The following RIPOR1 variants were observed in gnomAD, a reference collection of about 807,000 sequenced individuals.
RIPOR1 encodes RHO family interacting cell polarization regulator 1, also known as rho family-interacting cell polarization regulator 1.
In RIPOR1, 58 loss-of-function variants were observed where a neutral mutation model predicts 116.5. That is an observed-to-expected ratio of 0.50 (90% CI 0.40 to 0.62). RIPOR1 has a LOEUF of 0.62. RIPOR1 is among the 20% of genes least tolerant of loss of function. The pLI, the probability that RIPOR1 is intolerant of heterozygous loss-of-function variation, is 0.00. For missense variants in RIPOR1, 1,372 were observed against 1,586.2 expected (o/e 0.86, Z 2.29); for synonymous variants, 605 against 650.0 (o/e 0.93, Z 1.05).
Position 67,545,737 on chromosome 16 carries a change from G to T in RIPOR1, c.3264G>T (p.Gly1088=), listed in dbSNP as rs1308045713. 6.2e-7 allele frequency: 1 copy of T among 1,608,634 alleles called. No homozygotes were observed. Among genetic ancestry groups the T allele is most frequent in the Non-Finnish European group, 8.5e-7 (1 of 1,177,442 alleles). ...AGGCCCTGAGATTGGCGCCCGAGGG[G>T]CGTCTGCGAAGGGACGGGCTGCGGG... is the stretch of plus-strand genomic sequence containing the variant. ...VLKALRLAPE[G]RLRRDGLRAL... is the part of the protein sequence containing the mutation. The change falls in exon 19 of 22, where the codon GGG becomes GGT. Residue 1088 remains glycine, a synonymous_variant. Transcript: ENST00000042381. The surrounding 1 kb of genome is among the most constrained non-coding windows in gnomAD (Gnocchi z 4.8).
At chr16:67,527,396 C>CA (rs529578878), upstream of RIPOR1, among the ~76,000 whole-genome samples, 132 of 151,324 alleles carry the variant, frequency 8.7e-4, no homozygotes, top group Admixed American at 5.7e-3. Context: ...CAAAAAAAAA[C>CA]AAAAAAGAAA....
intron 1 of RIPOR1, among the ~76,000 whole-genome samples, chr16:67,533,290 T>C (rs2050709040): frequency 1.3e-5 from 2 of 152,062 alleles, no homozygotes; most frequent in Non-Finnish European, 2.9e-5. Context: ...AAGCAGGCAG[T>C]TGGATACAGA....
intron 2 of RIPOR1, 24 bp downstream of exon 2, chr16:67,538,574 G>A: frequency 6.2e-7 from 1 of 1,609,858 alleles, no homozygotes; most frequent in East Asian, 2.2e-5. Flanking sequence ...CAGGGTTGGT[G>A]GGGTCAAAGG....
chr16:67,533,001 C>T (rs2050699944), intron 1 of RIPOR1, among the ~76,000 whole-genome samples: 2 of 151,920 alleles, frequency 1.3e-5, no homozygotes, highest in Admixed American at 1.3e-4. Flanking sequence ...TGAATTCTGG[C>T]TATAGGGGTA....
chr16:67,545,079 C>T lies in RIPOR1; in HGVS notation c.2993C>T (p.Ala998Val), dbSNP rs150695752. The T allele has an allele frequency of 2.9e-4, 465 of 1,613,138 alleles. 1 individual carries two copies. The African/African-American group carries it at 5.5e-3, about 19-fold the overall frequency. Residue 998 changes from alanine (A) to valine (V), a missense_variant, in exon 17 of 22, where the codon GCC (alanine) becomes GTC (valine). Ala to Val is a moderately conservative substitution (Grantham distance 64). Coordinates refer to ENST00000042381, the MANE Select transcript of RIPOR1 (RefSeq NM_024519.4). The surrounding 1 kb of genome is among the most constrained non-coding windows in gnomAD (Gnocchi z 4.8). ...CTCACCTTCTGCAACCAGTATGGTG[C>T]CCGCCTCTCCCTGCGCCAGCCAGGC... ...VLLTFCNQYG[A>V]RLSLRQPGLA...
In RIPOR1 at chr16:67,538,404, AC is replaced by A. The variant is rs749772512; in HGVS notation, c.-23-13del. 50 of 1,551,754 alleles carry A rather than the reference AC, an allele frequency of 3.2e-5. No homozygotes were observed. Among genetic ancestry groups the A allele is most frequent in the Admixed American group, 5.8e-5 (3 of 51,408 alleles). On this transcript the variant is annotated intron_variant, in intron 1 of 21. Transcript: ENST00000042381. ...TTCGGGGATCCGACTGGTACTGGAC[AC>A]CCCCCCGATCACCCGCAGGGAGCCC...
Position 67,545,552 on chromosome 16 carries a change from A to T in RIPOR1, c.3190+18A>T. The T allele has an allele frequency of 6.2e-7, 1 of 1,613,424 alleles. No homozygotes were observed. On this transcript the variant is annotated intron_variant, in intron 18 of 21. Transcript: ENST00000042381. This position sits in a 1 kb window ranked among gnomAD's most constrained non-coding sequence, Gnocchi z 4.8. ...TGAGGAGGGTGAGGCGGTGGCCCTG[A>T]TCACATAGTGGCCTCTTGGGGTCTG...
At position 67,531,362 on chromosome 16, in the gene RIPOR1, C is replaced by T. The variant is rs764435698; in HGVS notation, c.-24+2448C>T. Among the ~76,000 whole-genome samples the T allele has an allele frequency of 1.1e-4, 17 of 151,650 alleles. No homozygotes were observed. The highest frequency in any genetic ancestry group is 1.8e-4 in the Non-Finnish European group (12 of 67,906). On this transcript the variant is annotated intron_variant, in intron 1 of 21. Transcript: ENST00000042381. This position sits in a 1 kb window ranked among gnomAD's most constrained non-coding sequence, Gnocchi z 4.2. ...CCCAGGTGCTACAGGACCCCCAGAGCGCTGTGGTGAGCCAAGCAGATATGC... is the reference window on the plus strand; with the variant it reads ...CCCAGGTGCTACAGGACCCCCAGAGTGCTGTGGTGAGCCAAGCAGATATGC...
In RIPOR1 at chr16:67,542,476, A is replaced by G. The variant is rs2051017722; in HGVS notation, c.1690A>G (p.Ser564Gly). Residue 564 changes from serine to glycine, a missense_variant, in exon 13 of 22, where the codon AGC (serine) becomes GGC (glycine). By Grantham distance (56) the Ser-to-Gly change is moderately conservative. Coordinates refer to ENST00000042381, the MANE Select transcript of RIPOR1 (RefSeq NM_024519.4). The surrounding 1 kb of genome is among the most constrained non-coding windows in gnomAD (Gnocchi z 4.6). ...SAITTTHSAP[S>G]PLTHTTTGST... The stretch of plus-strand genomic sequence containing the variant: ...CATTACCACTACCCACAGTGCTCCA[A>G]GCCCCCTCACTCACACTACTACAGG... 2 of 1,613,598 alleles carry G rather than the reference A, an allele frequency of 1.2e-6. No individual in the cohort carries two copies. Among genetic ancestry groups the G allele is most frequent in the African/African-American group, 1.3e-5 (1 of 74,738 alleles).
intron 4 of RIPOR1, chr16:67,539,286 G>A (rs1357020559): frequency 2.2e-5 from 12 of 555,422 alleles, no homozygotes; most frequent in African/African-American, 1.7e-4. Context: ...AGCTTCCAGT[G>A]GGGTAGGTGG....
Position 67,541,233 on chromosome 16 carries a change from A to ATTT in RIPOR1, c.802-179_802-177dup, listed in dbSNP as rs565790382. ...GGTGCACCACCATGCCTGGCTAAAAATTTTTTTTTTTTTTTTTTTTGAGAC... is the reference window on the plus strand; with the variant it reads ...GGTGCACCACCATGCCTGGCTAAAAATTTTTTTTTTTTTTTTTTTTTTTGAGAC... On this transcript the variant is annotated intron_variant, in intron 10 of 21. Coordinates refer to ENST00000042381, the MANE Select transcript of RIPOR1 (RefSeq NM_024519.4). The surrounding 1 kb of genome is among the most constrained non-coding windows in gnomAD (Gnocchi z 4.6). 2.2e-4 allele frequency: 88 copies of ATTT among 404,882 alleles called. No individual in the cohort carries two copies. The highest frequency in any genetic ancestry group is 4.6e-4 in the South Asian group (10 of 21,954). 25.1% of individuals were successfully genotyped at this position (404,882 alleles called of 1,614,324 possible). A position where few individuals can be genotyped will look rare whatever the true frequency, so the allele number is the denominator to read the frequency against.
chr16:67,538,658 A>G lies in RIPOR1; in HGVS notation c.105-14A>G, dbSNP rs569084656. 191 of 1,612,070 alleles carry G rather than the reference A, an allele frequency of 1.2e-4. 1 individual carries two copies. The highest frequency in any genetic ancestry group is 3.1e-4 in the South Asian group (28 of 90,994). ...CTCCTGCTCTCCTCTTTCTGAGGAC[A>G]GCCTCTCCTTCAGGAGTTTCCCGGT... On this transcript the variant is annotated splice_polypyrimidine_tract_variant and intron_variant, in intron 2 of 21. Transcript: ENST00000042381.
chr16:67,538,401 G>T, intron 1 of RIPOR1, 23 bp from the exon 2 acceptor site: 1 of 1,551,782 alleles, frequency 6.4e-7, no homozygotes. Context: ...ACTGGTACTG[G>T]ACACCCCCCC....
intron 1 of RIPOR1, among the ~76,000 whole-genome samples, chr16:67,535,527 G>C (rs964878457): frequency 1.1e-4 from 17 of 152,190 alleles, no homozygotes; most frequent in Middle Eastern, 3.2e-3. Flanking sequence ...GAGGGAGCTA[G>C]CAGAAAAAAA....
chr16:67,525,333 C>T (rs752050573), upstream of RIPOR1, among the ~76,000 whole-genome samples: 22 of 152,218 alleles, frequency 1.4e-4, no homozygotes, highest in Non-Finnish European at 3.1e-4. Context: ...GATCTCACCT[C>T]TGGTCACCCC....
chr16:67,518,845 G>A (rs2050469523), intron 1 of RIPOR1, among the ~76,000 whole-genome samples: 1 of 152,250 alleles, frequency 6.6e-6, no homozygotes, highest in Admixed American at 6.5e-5. Context: ...GGGCAGAGAA[G>A]GGGGCTGCAC....
Position 67,542,622 on chromosome 16 carries a change from A to T in RIPOR1, c.1836A>T (p.Thr612=). Residue 612 remains threonine, a synonymous_variant, in exon 13 of 22, where the codon ACA becomes ACT. Coordinates refer to ENST00000042381, the MANE Select transcript of RIPOR1 (RefSeq NM_024519.4). This position sits in a 1 kb window ranked among gnomAD's most constrained non-coding sequence, Gnocchi z 4.6. ...CTATGCCAAGCCCTACCCATACCAC[A>T]GCAAGCCCCACTCATACTTCCACAA... ...THTMPSPTHT[T]ASPTHTSTSP... 6.2e-7 allele frequency: 1 copy of T among 1,612,298 alleles called. No homozygotes were observed. The highest frequency in any genetic ancestry group is 8.5e-7 in the Non-Finnish European group (1 of 1,179,450).
At position 67,542,673 on chromosome 16, in the gene RIPOR1, C is replaced by T; in HGVS notation, c.1887C>T (p.Pro629=). The change falls in exon 13 of 22, where the codon CCC becomes CCT. Residue 629 remains proline, a synonymous_variant. Coordinates refer to ENST00000042381, the MANE Select transcript of RIPOR1 (RefSeq NM_024519.4). This position sits in a 1 kb window ranked among gnomAD's most constrained non-coding sequence, Gnocchi z 4.6. ...GCCCCACCCATACCCCCACAAGTCC[C>T]ACCCACAAAACCAGTATGTCACCTC... ...STSPTHTPTS[P]THKTSMSPPT... is the part of the protein sequence containing the mutation. 6.2e-7 allele frequency: 1 copy of T among 1,613,610 alleles called. No individual in the cohort carries two copies. The highest frequency in any genetic ancestry group is 8.5e-7 in the Non-Finnish European group (1 of 1,179,868).
At chr16:67,535,356 G>A (rs1157296694) in intron 1 of RIPOR1, among the ~76,000 whole-genome samples, 1 of 152,224 alleles carries the variant, frequency 6.6e-6, no homozygotes, top group African/African-American at 2.4e-5. Flanking sequence ...GTGTGCAGGT[G>A]TAGAGAAGTC....
Sources: allele counts gnomAD v4.1 joint callset (sites outside exome capture counted in the v4.1 genomes callset), GRCh38; gene constraint gnomAD v4.1.1; non-coding constraint Gnocchi (gnomAD v3.1); transcripts MANE v1.5; gene names NCBI Gene and HGNC (gene_info 2026-07-23, HGNC 2026-07-21).